ARID1B: variants seen among roughly 807,000 people sequenced by gnomAD.
ARID1B encodes the protein AT-rich interaction domain 1B.
In ARID1B, 30 loss-of-function variants were observed where a neutral mutation model predicts 212.3. The ratio of observed to expected loss-of-function variants is 0.14; its 90% confidence interval spans 0.11 to 0.19. The LOEUF is 0.19. ARID1B is among the 10% of genes least tolerant of loss of function. ARID1B has a pLI of 1.00. For missense variants in ARID1B, 2,891 were observed against 3,204.0 expected (o/e 0.90, Z 2.36); for synonymous variants, 1,402 against 1,301.7 (o/e 1.08, Z -1.66).
intron 15 of ARID1B, among the ~76,000 whole-genome samples, chr6:157,192,499 CTAAATTGAAAATATTGG>C (rs1793452546): frequency 6.6e-6 from 1 of 152,144 alleles, no homozygotes; most frequent in Admixed American, 6.5e-5. Context: ...GAAACCCATC[CTAAATTGAAAATATTGG>C]TAAGTTGAAA....
At chr6:156,967,930 G>T (rs1794884544) in intron 4 of ARID1B, among the ~76,000 whole-genome samples, 1 of 152,172 alleles carries the variant, frequency 6.6e-6, no homozygotes, top group East Asian at 1.9e-4. Flanking sequence ...TTTTGTCATT[G>T]ATATATGCAA....
At chr6:156,866,587 T>C (rs1785711179) in intron 2 of ARID1B, among the ~76,000 whole-genome samples, 1 of 152,240 alleles carries the variant, frequency 6.6e-6, no homozygotes, top group South Asian at 2.1e-4. Context: ...TTTTTATTAC[T>C]AGATGTGAGT....
chr6:156,946,069 A>C (rs890431433), intron 4 of ARID1B, among the ~76,000 whole-genome samples: 1 of 152,020 alleles, frequency 6.6e-6, no homozygotes, highest in South Asian at 2.1e-4. Context: ...TAAAAGAAGA[A>C]TAATGGGCCA....
intron 2 of ARID1B, among the ~76,000 whole-genome samples, chr6:156,876,390 C>T (rs1315725421): frequency 2.0e-5 from 3 of 152,114 alleles, no homozygotes. Flanking sequence ...TGTGTAGGCT[C>T]AGCTGTCTCG....
intron 4 of ARID1B, chr6:156,984,705 TAG>T (rs1237836060): frequency 1.3e-5 from 2 of 152,186 alleles, no homozygotes; most frequent in Non-Finnish European, 2.9e-5. Context: ...TTTCCTTTTT[TAG>T]AGAGGGTCTC....
At chr6:156,804,984 T>TA (rs1284189372) in intron 1 of ARID1B, among the ~76,000 whole-genome samples, 1 of 152,122 alleles carries the variant, frequency 6.6e-6, no homozygotes, top group Non-Finnish European at 1.5e-5. Flanking sequence ...GGCCAGTACT[T>TA]ATAAAGTGAC....
intron 1 of ARID1B, among the ~76,000 whole-genome samples, chr6:156,794,893 T>C (rs748400452): frequency 1.3e-5 from 2 of 152,190 alleles, no homozygotes; most frequent in Non-Finnish European, 2.9e-5. Flanking sequence ...CACATTCTTA[T>C]AATTCAGGAG....
intron 5 of ARID1B, among the ~76,000 whole-genome samples, chr6:157,089,591 T>C (rs886253817): frequency 2.6e-5 from 4 of 152,174 alleles, no homozygotes; most frequent in Non-Finnish European, 2.9e-5. Flanking sequence ...AGGTAAAGAA[T>C]TCAGGCCTGC....
intron 1 of ARID1B, among the ~76,000 whole-genome samples, chr6:156,783,354 C>G (rs1779412755): frequency 6.6e-6 from 1 of 151,248 alleles, no homozygotes; most frequent in Non-Finnish European, 1.5e-5. Context: ...AACATTAATT[C>G]TGATTTGAGA....
chr6:156,810,356 C>A (rs532290162), intron 1 of ARID1B, among the ~76,000 whole-genome samples: 1 of 152,236 alleles, frequency 6.6e-6, no homozygotes, highest in African/African-American at 2.4e-5. Flanking sequence ...ACCAAAGATC[C>A]ACCTGCCAGC....
At chr6:157,072,505 G>C (rs773346768) in intron 4 of ARID1B, 2 of 152,104 alleles carry the variant, frequency 1.3e-5, no homozygotes, top group Non-Finnish European at 2.9e-5. Flanking sequence ...TCTTTATAAT[G>C]TTTATTTTCT....
chr6:157,164,370 T>C (rs1791171907), intron 8 of ARID1B, among the ~76,000 whole-genome samples: 1 of 152,238 alleles, frequency 6.6e-6, no homozygotes, highest in Non-Finnish European at 1.5e-5. Context: ...TGGACAGTGC[T>C]GTCCTGGGGG....
At chr6:156,803,799 A>G (rs1404354007) in intron 1 of ARID1B, among the ~76,000 whole-genome samples, 1 of 151,452 alleles carries the variant, frequency 6.6e-6, no homozygotes, top group African/African-American at 2.4e-5. Context: ...TTTCCAATAC[A>G]TATTAAAACA....
At chr6:157,095,018 G>A (rs1785516125) in intron 5 of ARID1B, among the ~76,000 whole-genome samples, 1 of 152,192 alleles carries the variant, frequency 6.6e-6, no homozygotes, top group Admixed American at 6.5e-5. Flanking sequence ...ATAGGAGGTT[G>A]GATAAGATCT....
chr6:156,888,695 A>C (rs1038484812), intron 2 of ARID1B, among the ~76,000 whole-genome samples: 2 of 152,178 alleles, frequency 1.3e-5, no homozygotes, highest in Non-Finnish European at 2.9e-5. Flanking sequence ...CCGTGAGGCA[A>C]GGCAGCTCAG....
chr6:157,127,615 C>T (rs1015851570), intron 6 of ARID1B, among the ~76,000 whole-genome samples: 1 of 142,550 alleles, frequency 7.0e-6, no homozygotes, highest in African/African-American at 2.6e-5. Context: ...ACTAAAAATA[C>T]AAAAAAAAAA....
intron 4 of ARID1B, among the ~76,000 whole-genome samples, chr6:156,951,091 A>G (rs896104802): frequency 6.6e-6 from 1 of 152,200 alleles, no homozygotes; most frequent in Non-Finnish European, 1.5e-5. Flanking sequence ...ATCCCTGAAA[A>G]TTATAAATAA....
chr6:157,028,499 A>T (rs1780809847), intron 4 of ARID1B, among the ~76,000 whole-genome samples: 1 of 152,240 alleles, frequency 6.6e-6, no homozygotes, highest in Non-Finnish European at 1.5e-5. Context: ...AAAATGTTTG[A>T]TACATACACA....
At chr6:156,826,466 A>T (rs1019815070) in intron 1 of ARID1B, among the ~76,000 whole-genome samples, 1 of 152,222 alleles carries the variant, frequency 6.6e-6, no homozygotes, top group African/African-American at 2.4e-5. Flanking sequence ...TTCTGCTTCC[A>T]GTGTTGGGCA....
Sources: gnomAD v4.1 joint callset for allele counts (sites outside exome capture counted in the v4.1 genomes callset) on GRCh38, gnomAD v4.1.1 for gene constraint, MANE v1.5 for transcripts, NCBI Gene and HGNC (gene_info 2026-07-23, HGNC 2026-07-21) for gene names.